Variants in MYO9A observed in about 807,000 individuals in gnomAD.
The protein encoded by MYO9A is unconventional myosin-IXa.
In MYO9A, 103 loss-of-function variants were observed where a neutral mutation model predicts 293.3. The observed-to-expected ratio is 0.35, with a 90% CI of 0.30 to 0.41. MYO9A has a LOEUF of 0.41. MYO9A is among the 10% of genes least tolerant of loss of function. The pLI is 1.00. For missense variants in MYO9A, 2,685 were observed against 3,033.0 expected, an observed-to-expected ratio of 0.89 and a Z score of 2.69; for synonymous variants, 1,001 against 1,035.7, an observed-to-expected ratio of 0.97 and a Z score of 0.64.
intron 38 of MYO9A, 139 bp downstream of exon 38, chr15:71,849,894 TAAG>T (rs1486758017): frequency 2.1e-5 from 19 of 916,984 alleles, no homozygotes; most frequent in Non-Finnish European, 2.6e-5. Context: ...ATCCTCAGCA[TAAG>T]AAAACCCAGC....
chr15:71,984,518 C>G (rs2076360177), intron 11 of MYO9A, among the ~76,000 whole-genome samples: 1 of 152,116 alleles, frequency 6.6e-6, no homozygotes, highest in Non-Finnish European at 1.5e-5. Context: ...ATTATGTCTT[C>G]AAACACGGCT....
At chr15:71,925,964 G>A (rs766442450) in intron 18 of MYO9A, among the ~76,000 whole-genome samples, 5 of 152,050 alleles carry the variant, frequency 3.3e-5, no homozygotes, top group African/African-American at 4.8e-5. Context: ...TTGTGTCCCC[G>A]TATTGACCTG....
intron 12 of MYO9A, among the ~76,000 whole-genome samples, chr15:71,977,823 G>A (rs1326749255): frequency 6.6e-6 from 1 of 152,148 alleles, no homozygotes; most frequent in South Asian, 2.1e-4. Flanking sequence ...GGATCATGAG[G>A]TCAGGCGATC....
At chr15:72,020,645 C>G (rs1376806651) in intron 5 of MYO9A, among the ~76,000 whole-genome samples, 1 of 152,040 alleles carries the variant, frequency 6.6e-6, no homozygotes, top group Non-Finnish European at 1.5e-5. Flanking sequence ...TTTTCTAATA[C>G]AGTAGAAATA....
chr15:71,835,541 A>G (rs1484236252), intron 39 of MYO9A, among the ~76,000 whole-genome samples: 1 of 152,194 alleles, frequency 6.6e-6, no homozygotes, highest in African/African-American at 2.4e-5. Context: ...GCATTTAAAT[A>G]TTAAATACCT....
chr15:71,871,995 G>A (rs2056529783), intron 32 of MYO9A, among the ~76,000 whole-genome samples: 1 of 151,886 alleles, frequency 6.6e-6, no homozygotes, highest in African/African-American at 2.4e-5. Flanking sequence ...GTATCTCTGG[G>A]AAGAAGGGCT....
At chr15:71,875,184 A>G (rs1459917077) in intron 32 of MYO9A, among the ~76,000 whole-genome samples, 1 of 151,922 alleles carries the variant, frequency 6.6e-6, no homozygotes, top group East Asian at 1.9e-4. Context: ...GATATTATAA[A>G]TGATGTTGTG....
intron 15 of MYO9A, among the ~76,000 whole-genome samples, chr15:71,942,753 G>T (rs2058810350): frequency 6.6e-6 from 1 of 151,936 alleles, no homozygotes; most frequent in Admixed American, 6.6e-5. Context: ...GGATGTTATT[G>T]CTACCCAATA....
intron 33 of MYO9A, among the ~76,000 whole-genome samples, chr15:71,861,845 G>T (rs2056147683): frequency 3.3e-5 from 5 of 152,048 alleles, no homozygotes; most frequent in Admixed American, 3.3e-4. Flanking sequence ...AATTTCGGAG[G>T]CTGGAGGGGC....
chr15:71,854,410 T>G lies in MYO9A; in HGVS notation c.6313A>C (p.Lys2105Gln). The change falls in exon 35 of 42, where the codon AAA (lysine) becomes CAA (glutamine). Residue 2105 changes from lysine (K) to glutamine (Q), a missense_variant. Transcript: ENST00000356056. Reference protein sequence around the residue: ...GIYRKSGSTNKIKELRQGLDT... With the variant: ...GIYRKSGSTNQIKELRQGLDT... ...AGACCCTGCCGAAGCTCCTTGATTT[T>G]ATTAGTCGAACCAGACTTTCGATAA... The G allele has an allele frequency of 1.9e-6, 3 of 1,601,184 alleles. No individual in the cohort carries two copies. The highest frequency in any genetic ancestry group is 2.6e-6 in the Non-Finnish European group (3 of 1,174,994).
intron 1 of MYO9A, among the ~76,000 whole-genome samples, chr15:72,077,667 T>C (rs1335981499): frequency 6.8e-6 from 1 of 146,742 alleles, no homozygotes; most frequent in Non-Finnish European, 1.5e-5. Context: ...CGGGCAGAGG[T>C]TGCAGTGAGC....
chr15:72,044,139 G>A (rs776914950), intron 2 of MYO9A, among the ~76,000 whole-genome samples: 60 of 152,146 alleles, frequency 3.9e-4, no homozygotes, highest in Non-Finnish European at 6.0e-4. Flanking sequence ...GGGGGCGATG[G>A]CTCATGCCTG....
chr15:72,102,403 T>C (rs1208813411), intron 1 of MYO9A, among the ~76,000 whole-genome samples: 1 of 149,558 alleles, frequency 6.7e-6, no homozygotes, highest in East Asian at 1.9e-4. Context: ...TTCACTTGTT[T>C]ATCTGCTGAC....
chr15:71,895,627 T>C (rs2143011460), intron 25 of MYO9A, among the ~76,000 whole-genome samples: 1 of 152,252 alleles, frequency 6.6e-6, no homozygotes, highest in Non-Finnish European at 1.5e-5. Flanking sequence ...TACAAAATGT[T>C]AATGTTTCTA....
chr15:72,080,994 T>C (rs1596529218), intron 1 of MYO9A, among the ~76,000 whole-genome samples: 2 of 152,204 alleles, frequency 1.3e-5, no homozygotes, highest in Non-Finnish European at 2.9e-5. Flanking sequence ...TTCCACGTCC[T>C]TGTTATCATA....
intron 1 of MYO9A, among the ~76,000 whole-genome samples, chr15:72,067,350 C>T (rs2079052036): frequency 6.6e-6 from 1 of 151,996 alleles, no homozygotes; most frequent in South Asian, 2.1e-4. Flanking sequence ...CACTCTGCTG[C>T]CCAGGCTGGA....
chr15:71,915,361 T>TC (rs2057978867), intron 19 of MYO9A, among the ~76,000 whole-genome samples: 2 of 152,104 alleles, frequency 1.3e-5, no homozygotes, highest in East Asian at 3.9e-4. Context: ...TATACTCAAT[T>TC]CCCTTTCCTT....
At chr15:72,086,612 T>G (rs1296003705) in intron 1 of MYO9A, among the ~76,000 whole-genome samples, 1 of 141,760 alleles carries the variant, frequency 7.1e-6, no homozygotes, top group Non-Finnish European at 1.5e-5. Flanking sequence ...GATCTGCCTG[T>G]GCACACACAC....
intron 18 of MYO9A, among the ~76,000 whole-genome samples, chr15:71,928,284 A>G (rs1022409330): frequency 6.7e-6 from 1 of 149,424 alleles, no homozygotes; most frequent in Non-Finnish European, 1.5e-5. Flanking sequence ...TCACCTTGTT[A>G]GCCAGGATAG....
Sources: gnomAD v4.1 joint callset for allele counts (sites outside exome capture counted in the v4.1 genomes callset) on GRCh38, gnomAD v4.1.1 for gene constraint, MANE v1.5 for transcripts, NCBI Gene and HGNC (gene_info 2026-07-23, HGNC 2026-07-21) for gene names.